NOVA1: variants seen among roughly 807,000 people sequenced by gnomAD.
The protein encoded by NOVA1 is NOVA alternative splicing regulator 1, also known as RNA-binding protein Nova-1.
In NOVA1, 7 loss-of-function variants were observed where a neutral mutation model predicts 38.0. That is an observed-to-expected ratio of 0.18 (90% CI 0.10 to 0.35). The LOEUF is 0.35. Among genes scored for constraint, NOVA1 ranks in the 10% least tolerant of loss-of-function variants. The pLI is 1.00. For synonymous variants in NOVA1, 270 were observed against 232.5 expected, an observed-to-expected ratio of 1.16 and a Z score of -1.47; for missense variants, 460 against 616.0, an observed-to-expected ratio of 0.75 and a Z score of 2.68.
At chr14:26,489,336 G>A (rs1886153286) in intron 2 of NOVA1, among the ~76,000 whole-genome samples, 1 of 151,928 alleles carries the variant, frequency 6.6e-6, no homozygotes, top group South Asian at 2.1e-4. Flanking sequence ...TTAAATCAGT[G>A]AATAATCAAT....
At chr14:26,590,090 C>G (rs1416465124) in intron 2 of NOVA1, among the ~76,000 whole-genome samples, 2 of 151,848 alleles carry the variant, frequency 1.3e-5, no homozygotes, top group Non-Finnish European at 2.9e-5. Flanking sequence ...CAGTACTGAA[C>G]AAGTGACAAC....
At chr14:26,585,659 T>C in intron 2 of NOVA1, among the ~76,000 whole-genome samples, 1 of 151,324 alleles carries the variant, frequency 6.6e-6, no homozygotes, top group East Asian at 1.9e-4. Flanking sequence ...ACTTTTAATA[T>C]ACTTTATTAA....
intron 2 of NOVA1, among the ~76,000 whole-genome samples, chr14:26,556,944 G>GT (rs1891523445): frequency 6.6e-6 from 1 of 152,192 alleles, no homozygotes; most frequent in Admixed American, 6.5e-5. Flanking sequence ...ACTGGAGGTT[G>GT]TAAGAGGGAA....
chr14:26,593,088 G>C (rs1385880731), intron 2 of NOVA1: 1 of 151,698 alleles, frequency 6.6e-6, no homozygotes, highest in Non-Finnish European at 1.5e-5. Flanking sequence ...CATATATATA[G>C]CTTTAAGAAC....
intron 2 of NOVA1, among the ~76,000 whole-genome samples, chr14:26,500,665 A>T (rs1316188797): frequency 6.6e-6 from 1 of 152,012 alleles, no homozygotes; most frequent in African/African-American, 2.4e-5. Context: ...GAAAAATATG[A>T]CCATATTCAT....
At chr14:26,470,061 A>T (rs970341956) in intron 4 of NOVA1, 1 of 437,082 alleles carries the variant, frequency 2.3e-6, no homozygotes, top group Non-Finnish European at 3.2e-6. Context: ...CATCATTTTT[A>T]AAATAATAAA....
chr14:26,577,100 C>T (rs1892904097), intron 2 of NOVA1, among the ~76,000 whole-genome samples: 1 of 152,038 alleles, frequency 6.6e-6, no homozygotes, highest in African/African-American at 2.4e-5. Context: ...TAAGGTCACA[C>T]AGTACCTATC....
intron 2 of NOVA1, among the ~76,000 whole-genome samples, chr14:26,526,104 T>G (rs1056308172): frequency 6.6e-6 from 1 of 152,134 alleles, no homozygotes; most frequent in African/African-American, 2.4e-5. Context: ...TAATTTATAA[T>G]GTACTCAATG....
rs1033751695 is a variant in NOVA1 at position 26,459,844 on chromosome 14, G to A, written c.520-10881C>T. Among the ~76,000 whole-genome samples, 10 of 151,970 alleles carry A rather than the reference G, an allele frequency of 6.6e-5. No individual in the cohort carries two copies. The South Asian group carries it at 1.9e-3, about 28-fold the overall frequency. On this transcript the variant is annotated intron_variant, in intron 4 of 4. Coordinates refer to ENST00000539517, the MANE Select transcript of NOVA1 (RefSeq NM_002515.3). ...TAAACTTATGTAACTAGGGAATTAA[G>A]TTATAAGGAAAACTTTCACAATTTG...
intron 2 of NOVA1, among the ~76,000 whole-genome samples, chr14:26,532,231 A>T (rs752380222): frequency 1.3e-5 from 2 of 152,244 alleles, no homozygotes; most frequent in Non-Finnish European, 2.9e-5. Flanking sequence ...AAAGACTTGT[A>T]CTCAAATATT....
At chr14:26,505,486 T>G (rs913731502) in intron 2 of NOVA1, among the ~76,000 whole-genome samples, 3 of 152,010 alleles carry the variant, frequency 2.0e-5, no homozygotes, top group African/African-American at 7.2e-5. Flanking sequence ...TTTCCGGAAG[T>G]CTCCCCAGCC....
chr14:26,504,196 C>T (rs1361631820), intron 2 of NOVA1, among the ~76,000 whole-genome samples: 4 of 152,084 alleles, frequency 2.6e-5, no homozygotes, highest in African/African-American at 4.8e-5. Flanking sequence ...AACCAATGAG[C>T]CACATGGTCC....
chr14:26,557,251 CAAT>C (rs940613670), intron 2 of NOVA1, among the ~76,000 whole-genome samples: 4 of 152,170 alleles, frequency 2.6e-5, no homozygotes, highest in African/African-American at 9.7e-5. Context: ...ATTAAAACAA[CAAT>C]AAGATACCAT....
chr14:26,471,146 T>C (rs1302988791), intron 4 of NOVA1, among the ~76,000 whole-genome samples: 2 of 152,096 alleles, frequency 1.3e-5, no homozygotes, highest in East Asian at 3.9e-4. Flanking sequence ...AAAATGCTTT[T>C]GTTTGAAGGG....
At chr14:26,510,053 T>G (rs866996532) in intron 2 of NOVA1, among the ~76,000 whole-genome samples, 1 of 151,982 alleles carries the variant, frequency 6.6e-6, no homozygotes, top group South Asian at 2.1e-4. Flanking sequence ...TGAGAAAACA[T>G]GTACCAATAG....
chr14:26,551,933 CAG>C (rs1427188151), intron 2 of NOVA1, among the ~76,000 whole-genome samples: 1 of 151,892 alleles, frequency 6.6e-6, no homozygotes, highest in African/African-American at 2.4e-5. Context: ...TATTATAAAA[CAG>C]TGTATGCTCC....
At position 26,448,370 on chromosome 14, in the gene NOVA1, G is replaced by A. The variant is rs934106592; in HGVS notation, c.1113C>T (p.Ala371=). The change falls in exon 5 of 5, where the codon GCC becomes GCT. Residue 371 remains alanine, a synonymous_variant. Coordinates refer to ENST00000539517, the MANE Select transcript of NOVA1 (RefSeq NM_002515.3). The surrounding 1 kb of genome is among the most constrained non-coding windows in gnomAD (Gnocchi z 5.3). ...LLATYASEAS[A]SGSTAGGTAG... is the part of the protein sequence containing the mutation. The stretch of plus-strand genomic sequence containing the variant: ...CCGTACCACCAGCTGTGCTGCCACT[G>A]GCTGAGGCTTCACTGGCATAGGTGG... The A allele has an allele frequency of 1.9e-6, 3 of 1,613,784 alleles. No homozygotes were observed. The highest frequency in any genetic ancestry group is 2.2e-5 in the South Asian group (2 of 91,082).
rs1341104055 is a variant in NOVA1 at position 26,444,927 on chromosome 14, C to T, written c.*3032G>A. The T allele has an allele frequency of 6.6e-6, 1 of 151,584 alleles. No homozygotes were observed. The highest frequency in any genetic ancestry group is 1.5e-5 in the Non-Finnish European group (1 of 67,958). The allele number at this position is 151,584 out of a possible 1,614,324, so 9.4% of individuals were successfully genotyped here. A position where few individuals can be genotyped will look rare whatever the true frequency, so the allele number is the denominator to read the frequency against. On this transcript the variant is annotated 3_prime_UTR_variant, in exon 5 of 5. Coordinates refer to ENST00000539517, the MANE Select transcript of NOVA1 (RefSeq NM_002515.3). The stretch of plus-strand genomic sequence containing the variant: ...ATTTTGTGGTGCTGAAAGGACAGCT[C>T]CCAGTGTTGAGGAAAAGATCTTGGA...
intron 2 of NOVA1, among the ~76,000 whole-genome samples, chr14:26,564,474 A>C (rs961406886): frequency 2.6e-5 from 4 of 152,174 alleles, no homozygotes; most frequent in African/African-American, 9.6e-5. Context: ...ACACAGGTTA[A>C]GTAGCTTGCT....
Sources: allele counts gnomAD v4.1 joint callset (sites outside exome capture counted in the v4.1 genomes callset), GRCh38; gene constraint gnomAD v4.1.1; non-coding constraint Gnocchi (gnomAD v3.1); transcripts MANE v1.5; gene names NCBI Gene and HGNC (gene_info 2026-07-23, HGNC 2026-07-21).